Variants in RASSF5 observed in about 807,000 individuals in gnomAD.
The protein encoded by RASSF5 is ras association domain-containing protein 5.
In RASSF5, 25 loss-of-function variants were observed where a neutral mutation model predicts 40.5. The ratio of observed to expected loss-of-function variants is 0.62; its 90% CI spans 0.45 to 0.86. The LOEUF (loss-of-function observed/expected upper bound fraction) is 0.86, where lower values mean the gene tolerates loss of function less well. RASSF5 is among the 40% of genes least tolerant of loss of function. The pLI, the probability that RASSF5 is intolerant of heterozygous loss-of-function variation, is 0.00. For synonymous variants in RASSF5, 246 were observed against 252.4 expected (o/e 0.97, Z 0.24); for missense variants, 521 against 572.8 (o/e 0.91, Z 0.92).
rs1281962906 is a variant in RASSF5, at chr1:206,589,166, T to C, written c.*2188T>C. ...GGAGTAACTGCTGGTAGTGCCTTCT[T>C]TGGTTGTGTTGCTCAGTGTGTAAGT... On this transcript the variant is annotated 3_prime_UTR_variant, in exon 6 of 6. Transcript: ENST00000579436. 1.3e-5 allele frequency: 2 copies of C among 152,678 alleles called. No individual in the cohort carries two copies. The highest frequency in any genetic ancestry group is 2.9e-5 in the Non-Finnish European group (2 of 68,014). The allele number at this position is 152,678 out of a possible 1,614,324, so 9.5% of individuals were successfully genotyped here. A position where few individuals can be genotyped will look rare whatever the true frequency, so the allele number is the denominator to read the frequency against.
At chr1:206,511,881 C>T (rs915691266) in intron 1 of RASSF5, among the ~76,000 whole-genome samples, 19 of 152,144 alleles carry the variant, frequency 1.2e-4, no homozygotes, top group African/African-American at 4.6e-4. Flanking sequence ...GCAGACCCAT[C>T]CCCCGCTTGT....
intron 2 of RASSF5, among the ~76,000 whole-genome samples, chr1:206,561,789 C>G (rs1265868354): frequency 1.4e-4 from 21 of 150,690 alleles, no homozygotes; most frequent in African/African-American, 4.6e-4. Context: ...CCTCAGCCTC[C>G]TGAGTAGCTG....
In RASSF5 at chr1:206,513,069, T is replaced by A. The variant is rs146983901; in HGVS notation, c.457+5010T>A. Among the ~76,000 whole-genome samples, 155 of 152,304 alleles carry A rather than the reference T, an allele frequency of 1.0e-3. No individual in the cohort carries two copies. Among genetic ancestry groups the A allele is most frequent in the African/African-American group, 3.6e-3 (149 of 41,568 alleles). On this transcript the variant is annotated intron_variant, in intron 1 of 5. Coordinates refer to ENST00000579436, the MANE Select transcript of RASSF5 (RefSeq NM_182663.4). The surrounding 1 kb of genome is among the most constrained non-coding windows in gnomAD (Gnocchi z 5.0). ...ACAGGTCTTCAAGGCTTTGGTGCTG[T>A]CTCAGGCCCTCAAGCCATTTCCCCC...
intron 1 of RASSF5, among the ~76,000 whole-genome samples, chr1:206,536,139 C>T (rs1206137579): frequency 1.3e-5 from 2 of 152,138 alleles, no homozygotes; most frequent in African/African-American, 4.8e-5. Context: ...GTACCCTTCA[C>T]CTTACTAAAG....
intron 2 of RASSF5, among the ~76,000 whole-genome samples, chr1:206,551,699 C>A (rs1369023971): frequency 1.3e-5 from 2 of 152,246 alleles, no homozygotes; most frequent in Admixed American, 6.5e-5. Context: ...AATCCTTAAA[C>A]CCTGGAGACA....
chr1:206,518,129 C>A (rs1666807639), intron 1 of RASSF5, among the ~76,000 whole-genome samples: 2 of 152,010 alleles, frequency 1.3e-5, no homozygotes, highest in South Asian at 4.2e-4. Context: ...TTCCCTGCAG[C>A]CTGTTTGGTG....
chr1:206,535,128 G>T lies in RASSF5; in HGVS notation c.458-3044G>T, dbSNP rs552152298. Among the ~76,000 whole-genome samples the T allele has an allele frequency of 3.3e-5, 5 of 152,178 alleles. No homozygotes were observed. Among genetic ancestry groups the T allele is most frequent in the Non-Finnish European group, 7.4e-5 (5 of 68,018 alleles). On this transcript the variant is annotated intron_variant, in intron 1 of 5. Transcript: ENST00000579436. This position sits in a 1 kb window ranked among gnomAD's most constrained non-coding sequence, Gnocchi z 5.0. ...CTACTCAGGAGACTGAGGTGAGCCC[G>T]GGAGGTGGAGTTTGCAGAGAGCCAC...
At chr1:206,515,698 A>C (rs1329326059) in intron 1 of RASSF5, among the ~76,000 whole-genome samples, 2 of 152,214 alleles carry the variant, frequency 1.3e-5, no homozygotes, top group African/African-American at 2.4e-5. Flanking sequence ...CCCACCCCCA[A>C]GCCAGCTCTG....
At chr1:206,573,016 A>G (rs1668502907) in intron 2 of RASSF5, among the ~76,000 whole-genome samples, 1 of 152,212 alleles carries the variant, frequency 6.6e-6, no homozygotes, top group Non-Finnish European at 1.5e-5. Flanking sequence ...GATGATGATG[A>G]TCATGATCAT....
chr1:206,525,419 AT>A (rs765303524), intron 1 of RASSF5, among the ~76,000 whole-genome samples: 3 of 152,032 alleles, frequency 2.0e-5, no homozygotes, highest in Admixed American at 2.0e-4. Flanking sequence ...AATTTTTCTT[AT>A]TTTTTAGAGA....
chr1:206,533,364 A>G (rs1572313423), intron 1 of RASSF5, among the ~76,000 whole-genome samples: 1 of 152,130 alleles, frequency 6.6e-6, no homozygotes, highest in Non-Finnish European at 1.5e-5. Context: ...AGAAACCGCC[A>G]TCTGTTTGGG....
rs530770471 is a variant in RASSF5 at position 206,558,968 on chromosome 1, T to C, written c.579+20675T>C. ...TGGGGTTCTTGCCGCGTGGTATAAG[T>C]CCCCCAAATCCCCACAGATACTCCA... On this transcript the variant is annotated intron_variant, in intron 2 of 5. Coordinates refer to ENST00000579436, the MANE Select transcript of RASSF5 (RefSeq NM_182663.4). Among the ~76,000 whole-genome samples the C allele has an allele frequency of 1.1e-3, 166 of 152,008 alleles. 2 individuals carry two copies. Among genetic ancestry groups the C allele is most frequent in the Middle Eastern group, 0.01 (3 of 294 alleles).
In RASSF5 at chr1:206,554,589, A is replaced by T. The variant is rs1553401497; in HGVS notation, c.579+16296A>T. 2.6e-5 allele frequency among the ~76,000 whole-genome samples: 4 copies of T among 152,136 alleles called. No homozygotes were observed. The South Asian group carries it at 6.2e-4, about 24-fold the overall frequency. On this transcript the variant is annotated intron_variant, in intron 2 of 5. Coordinates refer to ENST00000579436, the MANE Select transcript of RASSF5 (RefSeq NM_182663.4). ...CCAGGGACAAGAATAGCCAGTTCCC[A>T]TCCTTTGTGCGATCACATCTCAGGG...
At chr1:206,523,596 C>T (rs1197576625) in intron 1 of RASSF5, among the ~76,000 whole-genome samples, 1 of 85,312 alleles carries the variant, frequency 1.2e-5, no homozygotes, top group African/African-American at 5.2e-5. Context: ...GTCTTAAAAC[C>T]ATATATATTT....
At chr1:206,526,718 G>A (rs1373287123) in intron 1 of RASSF5, among the ~76,000 whole-genome samples, 6 of 152,244 alleles carry the variant, frequency 3.9e-5, no homozygotes, top group South Asian at 4.1e-4. Context: ...GAGGGAAGTG[G>A]GAGCAGGTGG....
At chr1:206,536,708 G>C (rs1165837042) in intron 1 of RASSF5, among the ~76,000 whole-genome samples, 1 of 152,152 alleles carries the variant, frequency 6.6e-6, no homozygotes, top group Non-Finnish European at 1.5e-5. Flanking sequence ...CGAGGTGCCT[G>C]AGCCCTTATC....
chr1:206,534,404 TCAAGAA>T, intron 1 of RASSF5, among the ~76,000 whole-genome samples: 1 of 152,190 alleles, frequency 6.6e-6, no homozygotes, highest in Admixed American at 6.5e-5. Flanking sequence ...AATGTCAATA[TCAAGAA>T]ATGCCTGTTC....
At chr1:206,527,204 G>A (rs1572304396) in intron 1 of RASSF5, among the ~76,000 whole-genome samples, 1 of 152,166 alleles carries the variant, frequency 6.6e-6, no homozygotes, top group Non-Finnish European at 1.5e-5. Flanking sequence ...ATGTTAAGCA[G>A]TGTGTTTCAA....
chr1:206,538,588 A>G (rs947780060), intron 2 of RASSF5, among the ~76,000 whole-genome samples: 2 of 152,224 alleles, frequency 1.3e-5, no homozygotes, highest in African/African-American at 2.4e-5. Flanking sequence ...CTTCCAGAGA[A>G]GCCTTCTGAC....
Sources: allele counts gnomAD v4.1 joint callset (sites outside exome capture counted in the v4.1 genomes callset), GRCh38; gene constraint gnomAD v4.1.1; non-coding constraint Gnocchi (gnomAD v3.1); transcripts MANE v1.5; gene names NCBI Gene and HGNC (gene_info 2026-07-23, HGNC 2026-07-21).